Variants in ZFAND4 observed in about 807,000 individuals in gnomAD.
ZFAND4 encodes AN1-type zinc finger protein 4.
A neutral mutation model predicts 64.4 loss-of-function variants in ZFAND4; 43 were observed. The observed-to-expected ratio is 0.67, with a 90% CI of 0.52 to 0.86. The LOEUF (loss-of-function observed/expected upper bound fraction) is 0.86. Among genes scored for constraint, ZFAND4 ranks in the 40% least tolerant of loss-of-function variants. ZFAND4 has a pLI of 0.00. For synonymous variants in ZFAND4, 296 were observed against 305.7 expected, an observed-to-expected ratio of 0.97 and a Z score of 0.33; for missense variants, 929 against 859.8, an observed-to-expected ratio of 1.08 and a Z score of -1.01.
intron 9 of ZFAND4, chr10:45,617,723 AAAT>A (rs2045104729): frequency 6.6e-6 from 1 of 152,346 alleles, no homozygotes; most frequent in South Asian, 2.1e-4. Flanking sequence ...CTAATGAAAT[AAAT>A]AATTACAGTA....
chr10:45,616,150 C>A lies in ZFAND4; in HGVS notation c.*286G>T. 1 of 307,724 alleles carries A rather than the reference C, an allele frequency of 3.2e-6. No individual in the cohort carries two copies. The highest frequency in any genetic ancestry group is 6.0e-6 in the Non-Finnish European group (1 of 167,006). 19.1% of individuals were successfully genotyped at this position (307,724 alleles called of 1,614,324 possible). ...CTAAAGTGCATCTTTTGAAGATTTG[C>A]CTAGTAAAACTGCAATATCATATAC... On this transcript the variant is annotated 3_prime_UTR_variant, in exon 10 of 10. Coordinates refer to ENST00000344646, the MANE Select transcript of ZFAND4 (RefSeq NM_174890.4).
chr10:45,667,882 AG>A (rs1187382909), intron 1 of ZFAND4, among the ~76,000 whole-genome samples: 1 of 152,196 alleles, frequency 6.6e-6, no homozygotes, highest in African/African-American at 2.4e-5. Flanking sequence ...GAAACCATTG[AG>A]TCTTTAGGTA....
chr10:45,649,024 T>G (rs1437887132), intron 4 of ZFAND4: 3 of 851,850 alleles, frequency 3.5e-6, no homozygotes, highest in African/African-American at 1.8e-5. Flanking sequence ...ATCCCAGCAC[T>G]TTGGGAGGCC....
At chr10:45,651,040 G>T (rs1774780307) in intron 4 of ZFAND4, 1 of 152,160 alleles carries the variant, frequency 6.6e-6, no homozygotes, top group Admixed American at 6.5e-5. Context: ...TAAACATAGG[G>T]ATATAATTTG....
chr10:45,644,221 C>T (rs1415332929), intron 5 of ZFAND4, among the ~76,000 whole-genome samples: 4 of 152,092 alleles, frequency 2.6e-5, no homozygotes, highest in African/African-American at 9.7e-5. Context: ...CCAACCTTGT[C>T]AAACAAGAAA....
chr10:45,668,730 C>T (rs1297699975), intron 1 of ZFAND4, among the ~76,000 whole-genome samples: 1 of 152,192 alleles, frequency 6.6e-6, no homozygotes, highest in African/African-American at 2.4e-5. Flanking sequence ...AATTATAACT[C>T]AGGATTAAGA....
At chr10:45,652,786 T>C (rs917393658) in intron 3 of ZFAND4, among the ~76,000 whole-genome samples, 198 bp downstream of exon 3, 10 of 152,064 alleles carry the variant, frequency 6.6e-5, no homozygotes, top group Admixed American at 6.6e-4. Flanking sequence ...GGAAAATAAA[T>C]GTATCAGAGG....
Position 45,634,717 on chromosome 10 carries a change from T to A in ZFAND4, c.717+5099A>T, listed in dbSNP as rs80133435. Among the ~76,000 whole-genome samples, 900 of 152,132 alleles carry A rather than the reference T, an allele frequency of 5.9e-3. 8 individuals carry two copies. Among genetic ancestry groups the A allele is most frequent in the Non-Finnish European group, 7.8e-3 (532 of 67,984 alleles). Reference sequence around the variant, plus strand: ...CAAATTTGAAAGAAGGAAGTCAAATTATCCTTGATTGCAGATAATATGATC... The same window carrying A: ...CAAATTTGAAAGAAGGAAGTCAAATAATCCTTGATTGCAGATAATATGATC... On this transcript the variant is annotated intron_variant, in intron 6 of 9. Coordinates refer to ENST00000344646, the MANE Select transcript of ZFAND4 (RefSeq NM_174890.4).
intron 1 of ZFAND4, 77 bp from the exon 2 acceptor site, chr10:45,663,919 C>T: frequency 4.4e-6 from 2 of 456,716 alleles, no homozygotes; most frequent in Non-Finnish European, 3.8e-6. Context: ...TTAACTGTGG[C>T]CCATATCAAT....
chr10:45,670,887 T>A (rs1294728789), intron 1 of ZFAND4, among the ~76,000 whole-genome samples: 1 of 151,776 alleles, frequency 6.6e-6, no homozygotes, highest in African/African-American at 2.4e-5. Context: ...ACCATCAGAG[T>A]GAACAGGCAA....
rs962577039 is a variant in ZFAND4 at position 45,639,813 on chromosome 10, C to T, written c.717+3G>A. On this transcript the variant is annotated splice_donor_region_variant and intron_variant, in intron 6 of 9. Coordinates refer to ENST00000344646, the MANE Select transcript of ZFAND4 (RefSeq NM_174890.4). ...AAGCCTGGTCAAATGCCAACAGCTTCACCTTTTTGCTGAGATTCATGTTCT... is the reference window on the plus strand; with the variant it reads ...AAGCCTGGTCAAATGCCAACAGCTTTACCTTTTTGCTGAGATTCATGTTCT... 3 of 1,607,654 alleles carry T rather than the reference C, an allele frequency of 1.9e-6. No homozygotes were observed. In the African/African-American group the frequency reaches 4.0e-5, roughly 22 times the overall value.
At chr10:45,662,745 C>A in intron 2 of ZFAND4, 1 of 796,470 alleles carries the variant, frequency 1.3e-6, no homozygotes, top group Non-Finnish European at 1.5e-6. Context: ...ATGAAAAATT[C>A]TAACCCTCCT....
chr10:45,640,537 CTGGAGTGCAA>C lies in ZFAND4; in HGVS notation c.570-584_570-575del. ...AGACAGTCTCACTCTTGTCGCCAGGCTGGAGTGCAATGGCACAATCTCGGCTCACTGCAAC... is the reference window on the plus strand; with the variant it reads ...AGACAGTCTCACTCTTGTCGCCAGGCTGGCACAATCTCGGCTCACTGCAAC... On this transcript the variant is annotated intron_variant, in intron 5 of 9. Transcript: ENST00000344646. 3 of 730,132 alleles carry C rather than the reference CTGGAGTGCAA, an allele frequency of 4.1e-6. No homozygotes were observed. The South Asian group carries it at 6.7e-5, about 16-fold the overall frequency. The allele number at this position is 730,132 out of a possible 1,614,324, so 45.2% of individuals were successfully genotyped here.
intron 6 of ZFAND4, among the ~76,000 whole-genome samples, chr10:45,628,367 G>C (rs181911072): frequency 2.6e-5 from 4 of 152,152 alleles, no homozygotes; most frequent in Non-Finnish European, 5.9e-5. Context: ...GCCTAGGCAG[G>C]AGTGCAATGG....
In ZFAND4 at chr10:45,652,171, T is replaced by C. The variant is rs535263809; in HGVS notation, c.261-138A>G. ...AAAGATATAGCAATGTAAATACATATAAAATGTTAACATATTTACTGGTAC... is the reference window on the plus strand; with the variant it reads ...AAAGATATAGCAATGTAAATACATACAAAATGTTAACATATTTACTGGTAC... On this transcript the variant is annotated intron_variant, in intron 3 of 9. Coordinates refer to ENST00000344646, the MANE Select transcript of ZFAND4 (RefSeq NM_174890.4). The C allele has an allele frequency of 6.8e-6, 5 of 734,308 alleles. No individual in the cohort carries two copies. In the South Asian group the frequency reaches 8.2e-5, roughly 12 times the overall value. 45.5% of individuals were successfully genotyped at this position (734,308 alleles called of 1,614,324 possible). A position where few individuals can be genotyped will look rare whatever the true frequency, so the allele number is the denominator to read the frequency against.
chr10:45,626,570 C>T lies in ZFAND4; in HGVS notation c.1253G>A (p.Gly418Asp). The stretch of plus-strand genomic sequence containing the variant: ...CAACTCCAGATTCACTTTGCACGCA[C>T]CTTCTAAGCCGCTGCTCTGTTCATC... ...NADEQSSGLE[G>D]ACKVNLELLL... Residue 418 changes from glycine to aspartate, a missense_variant, in exon 7 of 10, where the codon GGT becomes GAT. Coordinates refer to ENST00000344646, the MANE Select transcript of ZFAND4 (RefSeq NM_174890.4). 1 of 1,614,176 alleles carries T rather than the reference C, an allele frequency of 6.2e-7. No individual in the cohort carries two copies. Among genetic ancestry groups the T allele is most frequent in the South Asian group, 1.1e-5 (1 of 91,080 alleles).
chr10:45,666,673 T>A (rs1031522114), intron 1 of ZFAND4, among the ~76,000 whole-genome samples: 1 of 152,244 alleles, frequency 6.6e-6, no homozygotes, highest in African/African-American at 2.4e-5. Flanking sequence ...TACTGTCCAA[T>A]TTCAATTTAG....
At chr10:45,620,710 G>C (rs1052514154) in intron 8 of ZFAND4, 21 of 152,200 alleles carry the variant, frequency 1.4e-4, no homozygotes, top group African/African-American at 4.8e-4. Context: ...GGCATTTAAG[G>C]TATTATTATG....
At chr10:45,655,994 G>C (rs2048070585) in intron 2 of ZFAND4, among the ~76,000 whole-genome samples, 1 of 152,196 alleles carries the variant, frequency 6.6e-6, no homozygotes, top group Non-Finnish European at 1.5e-5. Context: ...CACTTTGGGA[G>C]GCCGAGGTGG....
Sources: allele counts gnomAD v4.1 joint callset (sites outside exome capture counted in the v4.1 genomes callset), GRCh38; gene constraint gnomAD v4.1.1; transcripts MANE v1.5; gene names NCBI Gene and HGNC (gene_info 2026-07-23, HGNC 2026-07-21).